Variants in XPO6 observed in about 807,000 individuals in gnomAD.
XPO6 encodes exportin-6.
XPO6 carries 3 observed loss-of-function variants against 130.0 expected under a neutral mutation model. The observed-to-expected ratio is 0.02, with a 90% CI of 0.01 to 0.06. The LOEUF is 0.06. Ranked by LOEUF, XPO6 falls within the 10% of genes least tolerant of loss-of-function variation. The pLI is 1.00. For missense variants in XPO6, 970 were observed against 1,393.0 expected (o/e 0.70, Z 4.83); for synonymous variants, 524 against 548.9 (o/e 0.95, Z 0.63).
chr16:28,155,737 G>A (rs1028696707), intron 7 of XPO6: 1 of 228,306 alleles, frequency 4.4e-6, no homozygotes, highest in East Asian at 1.1e-4. Flanking sequence ...TGGCTACGCA[G>A]GAGCAGCAGT....
chr16:28,163,350 T>C (rs2141839405), intron 6 of XPO6, among the ~76,000 whole-genome samples: 1 of 152,378 alleles, frequency 6.6e-6, no homozygotes, highest in Middle Eastern at 3.4e-3. Flanking sequence ...ATCCTCATCC[T>C]GAAGAACTTT....
intron 7 of XPO6, chr16:28,153,334 A>G (rs2043127555): frequency 1.0e-6 from 1 of 985,692 alleles, no homozygotes; most frequent in Non-Finnish European, 1.2e-6. Flanking sequence ...AGTGATTTCA[A>G]ATATAAGGGA....
At chr16:28,109,315 T>G (rs1412859596) in intron 17 of XPO6, among the ~76,000 whole-genome samples, 1 of 151,340 alleles carries the variant, frequency 6.6e-6, no homozygotes, top group East Asian at 1.9e-4. Flanking sequence ...TTTTTTTTTT[T>G]GTTTTCAAGA....
At chr16:28,141,605 T>A (rs2042893057) in intron 9 of XPO6, among the ~76,000 whole-genome samples, 1 of 152,036 alleles carries the variant, frequency 6.6e-6, no homozygotes, top group Non-Finnish European at 1.5e-5. Context: ...GCCATTCCAC[T>A]CTGCAGGAAT....
intron 9 of XPO6, among the ~76,000 whole-genome samples, chr16:28,143,396 T>C (rs1405187891): frequency 2.6e-5 from 4 of 152,376 alleles, no homozygotes; most frequent in African/African-American, 9.6e-5. Context: ...ACATACATGA[T>C]TTCCTTGAAT....
In XPO6 at chr16:28,109,723, C is replaced by T. The variant is rs1206947062; in HGVS notation, c.2342-2046G>A. Among the ~76,000 whole-genome samples the T allele has an allele frequency of 3.3e-5, 5 of 152,266 alleles. No homozygotes were observed. The East Asian group carries it at 9.6e-4, about 29-fold the overall frequency. Reference sequence around the variant, plus strand: ...ACTAAAGAGATATAACAACCAAACACAATAAAACTATCCTAGATTACATCC... The same window carrying T: ...ACTAAAGAGATATAACAACCAAACATAATAAAACTATCCTAGATTACATCC... On this transcript the variant is annotated intron_variant, in intron 17 of 23. Transcript: ENST00000304658.
At chr16:28,170,170 T>C (rs1425258782) in intron 4 of XPO6, among the ~76,000 whole-genome samples, 3 of 151,788 alleles carry the variant, frequency 2.0e-5, no homozygotes, top group Non-Finnish European at 4.4e-5. Flanking sequence ...CCGTCTCTAC[T>C]AAAAATACAA....
rs1170218844 is a variant in XPO6 at position 28,117,344 on chromosome 16, C to A, written c.1978G>T (p.Ala660Ser). 1 of 1,613,988 alleles carries A rather than the reference C, an allele frequency of 6.2e-7. No individual in the cohort carries two copies. The highest frequency in any genetic ancestry group is 1.3e-5 in the African/African-American group (1 of 74,912). Residue 660 changes from alanine to serine, a missense_variant, in exon 15 of 24, where the codon GCA becomes TCA. Physicochemically the swap from Ala to Ser is moderately conservative, Grantham distance 99 (BLOSUM62 1). This residue lies in a region of XPO6 where 936 missense variants were observed against 1,306.8 expected (regional missense o/e 0.72). Transcript: ENST00000304658. ...TTGGTGCTGATTAGAGGTGTGATTG[C>A]ATCCATGGTAGTAGAGATGAGTGTC... ...FVTLISTTMD[A>S]ITPLISTKVQ... is the part of the protein sequence containing the mutation.
At position 28,139,558 on chromosome 16, in the gene XPO6, G is replaced by A. The variant is rs1406254101; in HGVS notation, c.1335-4234C>T. 2.0e-5 allele frequency among the ~76,000 whole-genome samples: 3 copies of A among 152,154 alleles called. No homozygotes were observed. In the East Asian group the frequency reaches 5.8e-4, roughly 29 times the overall value. On this transcript the variant is annotated intron_variant, in intron 9 of 23. Coordinates refer to ENST00000304658, the MANE Select transcript of XPO6 (RefSeq NM_015171.4). ...GCTATAAAATATGAATGATGGGTACGTGTATAAATTAGAACACTGTCTGGT... is the reference window on the plus strand; with the variant it reads ...GCTATAAAATATGAATGATGGGTACATGTATAAATTAGAACACTGTCTGGT...
chr16:28,148,403 G>A (rs74014217), intron 8 of XPO6, among the ~76,000 whole-genome samples: 8,181 of 152,166 alleles, frequency 0.054, 562 homozygotes, highest in East Asian at 0.17. Flanking sequence ...GGTTCATTCC[G>A]GTCATCAAGA....
chr16:28,148,822 A>ACT (rs1356110665), intron 8 of XPO6, among the ~76,000 whole-genome samples: 1 of 152,008 alleles, frequency 6.6e-6, no homozygotes, highest in Non-Finnish European at 1.5e-5. Flanking sequence ...CAAGTGGATC[A>ACT]CCTAAGGTCA....
chr16:28,141,583 T>C (rs1334734870), intron 9 of XPO6, among the ~76,000 whole-genome samples: 1 of 152,082 alleles, frequency 6.6e-6, no homozygotes. Context: ...ATCAGGATGA[T>C]CTACCCCATC....
At chr16:28,204,200 C>T (rs892719735) in intron 1 of XPO6, among the ~76,000 whole-genome samples, 1 of 152,060 alleles carries the variant, frequency 6.6e-6, no homozygotes, top group Non-Finnish European at 1.5e-5. Flanking sequence ...CTTTATGGAG[C>T]TAACATTTTA....
chr16:28,176,241 A>G, intron 3 of XPO6, 146 bp from the exon 4 acceptor site: 1 of 710,822 alleles, frequency 1.4e-6, no homozygotes, highest in Non-Finnish European at 2.3e-6. Flanking sequence ...AAGAATAATA[A>G]AAGTATTCAA....
chr16:28,106,584 G>A lies in XPO6; in HGVS notation c.2498-87C>T, dbSNP rs908674549. On this transcript the variant is annotated intron_variant, in intron 18 of 23. Transcript: ENST00000304658. The surrounding 1 kb of genome is among the most constrained non-coding windows in gnomAD (Gnocchi z 4.2). ...CTTCATCAACCTACTCCTGAAATCT[G>A]CACTATCAGCTTTCTCTACAGCTTC... 9.9e-7 allele frequency: 1 copy of A among 1,008,436 alleles called. No homozygotes were observed. The highest frequency in any genetic ancestry group is 1.5e-6 in the Non-Finnish European group (1 of 648,976). 62.5% of individuals were successfully genotyped at this position (1,008,436 alleles called of 1,614,324 possible).
chr16:28,160,503 C>CAAAAAAAAAAAAAAAAAAAAAAAAAAA lies in XPO6; in HGVS notation c.644-3977_644-3976insTTTTTTTTTTTTTTTTTTTTTTTTTTT, dbSNP rs1158204334. Among the ~76,000 whole-genome samples the CAAAAAAAAAAAAAAAAAAAAAAAAAAA allele has an allele frequency of 4.1e-4, 48 of 116,634 alleles. 3 individuals are homozygous for CAAAAAAAAAAAAAAAAAAAAAAAAAAA. Among genetic ancestry groups the CAAAAAAAAAAAAAAAAAAAAAAAAAAA allele is most frequent in the East Asian group, 2.0e-3 (8 of 3,958 alleles). The allele number at this position is 116,634 out of a possible 152,430, so 76.5% of individuals were successfully genotyped here. A position where few individuals can be genotyped will look rare whatever the true frequency, so the allele number is the denominator to read the frequency against. On this transcript the variant is annotated intron_variant, in intron 6 of 23. Coordinates refer to ENST00000304658, the MANE Select transcript of XPO6 (RefSeq NM_015171.4). ...TGGATAACAAAGTGAGACTCCATCA[C>CAAAAAAAAAAAAAAAAAAAAAAAAAAA]CAAAAAAAAAAAAAAAATCAAGTAA...
At chr16:28,123,461 C>A (rs1328949317) in intron 13 of XPO6, among the ~76,000 whole-genome samples, 1 of 152,178 alleles carries the variant, frequency 6.6e-6, no homozygotes, top group Non-Finnish European at 1.5e-5. Flanking sequence ...TGGCTAGTTT[C>A]TCTCTGCCTA....
intron 5 of XPO6, among the ~76,000 whole-genome samples, chr16:28,166,973 T>C (rs1368484142): frequency 6.6e-6 from 1 of 152,234 alleles, no homozygotes; most frequent in Non-Finnish European, 1.5e-5. Flanking sequence ...CTGGTTTCTT[T>C]GAACTCAATT....
chr16:28,186,534 C>T, intron 1 of XPO6, among the ~76,000 whole-genome samples: 1 of 151,742 alleles, frequency 6.6e-6, no homozygotes. Flanking sequence ...CCACATCTGG[C>T]TTTTATTTTC....
Sources: gnomAD v4.1 joint callset for allele counts (sites outside exome capture counted in the v4.1 genomes callset) on GRCh38, gnomAD v4.1.1 for gene constraint, gnomAD v4.1.1 regional missense constraint, Gnocchi (gnomAD v3.1) non-coding constraint, MANE v1.5 for transcripts, NCBI Gene and HGNC (gene_info 2026-07-23, HGNC 2026-07-21) for gene names.